The following DENND4C variants were observed in gnomAD, a reference collection of about 807,000 sequenced individuals.
DENND4C encodes DENN domain-containing protein 4C.
Under a neutral mutation model 203.0 loss-of-function variants are expected in DENND4C, and 108 were observed. The observed-to-expected ratio is 0.53, with a 90% CI of 0.46 to 0.62. DENND4C has a LOEUF of 0.62. Ranked by LOEUF, DENND4C falls within the 20% of genes least tolerant of loss-of-function variation. DENND4C has a pLI of 0.00. For synonymous variants in DENND4C, 871 were observed against 792.4 expected (o/e 1.10, Z -1.67); for missense variants, 2,481 against 2,301.2 (o/e 1.08, Z -1.60).
intron 1 of DENND4C, among the ~76,000 whole-genome samples, chr9:19,252,221 G>T (rs1453518648): frequency 6.6e-6 from 1 of 152,144 alleles, no homozygotes; most frequent in African/African-American, 2.4e-5. Context: ...GAGAGCTGGT[G>T]CAGGGAAACT....
intron 18 of DENND4C, 85 bp from the exon 19 acceptor site, chr9:19,336,185 A>ATATAT: frequency 8.2e-7 from 1 of 1,223,750 alleles, no homozygotes; most frequent in Non-Finnish European, 1.1e-6. Flanking sequence ...ATATATATAT[A>ATATAT]AACATACACA....
In DENND4C at chr9:19,346,822, G is replaced by T. The variant is rs760112586; in HGVS notation, c.4053G>T (p.Arg1351Ser). ...AAAAGAGCTCACCTGCAGTGTCCAG[G>T]TCTAAAACTTTTACTGGGCGTTTCA... is the stretch of plus-strand genomic sequence containing the variant. ...ESEKSSPAVS[R>S]SKTFTGRFKQ... The change falls in exon 23 of 33, where the codon AGG becomes AGT. Residue 1351 changes from arginine to serine, a missense_variant. Arg to Ser is a moderately radical substitution (Grantham distance 110). Around this residue, in one of 3 missense-constraint regions of DENND4C, gnomAD observed 2,289 missense variants for 2,113.3 expected, o/e 1.08. Coordinates refer to ENST00000434457, the MANE Select transcript of DENND4C (RefSeq NM_001330640.2). The T allele has an allele frequency of 6.2e-7, 1 of 1,614,140 alleles. No individual in the cohort carries two copies. The highest frequency in any genetic ancestry group is 8.5e-7 in the Non-Finnish European group (1 of 1,180,032).
chr9:19,253,102 A>G (rs2131631745), intron 1 of DENND4C, among the ~76,000 whole-genome samples: 1 of 152,354 alleles, frequency 6.6e-6, no homozygotes, highest in South Asian at 2.1e-4. Flanking sequence ...CTTTAGATGC[A>G]TATGCCTTCT....
chr9:19,369,213 A>G (rs1292103712), intron 30 of DENND4C, among the ~76,000 whole-genome samples: 3 of 151,880 alleles, frequency 2.0e-5, no homozygotes, highest in Non-Finnish European at 4.4e-5. Context: ...CTGCTAGACA[A>G]CTCCTCTGTC....
chr9:19,336,115 G>T (rs1412484752), intron 18 of DENND4C, among the ~76,000 whole-genome samples, 155 bp from the exon 19 acceptor site: 1 of 151,640 alleles, frequency 6.6e-6, no homozygotes, highest in East Asian at 1.9e-4. Flanking sequence ...CTGATGTTTA[G>T]TAATGTTTAG....
intron 1 of DENND4C, among the ~76,000 whole-genome samples, chr9:19,240,350 A>G (rs889582207): frequency 1.3e-5 from 2 of 152,174 alleles, no homozygotes; most frequent in Admixed American, 6.6e-5. Flanking sequence ...TAAACATAGA[A>G]AAGATACAAT....
intron 1 of DENND4C, among the ~76,000 whole-genome samples, chr9:19,250,169 C>G (rs981232200): frequency 6.6e-6 from 1 of 152,026 alleles, no homozygotes; most frequent in Non-Finnish European, 1.5e-5. Context: ...CTGACATACC[C>G]AAGTGACTCA....
At chr9:19,308,778 T>C (rs1428011287) in intron 10 of DENND4C, among the ~76,000 whole-genome samples, 1 of 152,198 alleles carries the variant, frequency 6.6e-6, no homozygotes, top group Non-Finnish European at 1.5e-5. Context: ...AGTTGTGAGG[T>C]TTGCCTCTCT....
At chr9:19,241,033 G>C (rs1418087598) in intron 1 of DENND4C, among the ~76,000 whole-genome samples, 3 of 152,124 alleles carry the variant, frequency 2.0e-5, no homozygotes, top group Non-Finnish European at 4.4e-5. Flanking sequence ...AGATAAACGT[G>C]GTACACCTAT....
chr9:19,260,142 G>T (rs1239482233), intron 1 of DENND4C, among the ~76,000 whole-genome samples: 4 of 151,914 alleles, frequency 2.6e-5, no homozygotes, highest in Admixed American at 2.6e-4. Flanking sequence ...CCTGTCTTTT[G>T]GACCTAAGCC....
At chr9:19,239,277 T>C (rs1823084348) in intron 1 of DENND4C, among the ~76,000 whole-genome samples, 1 of 152,156 alleles carries the variant, frequency 6.6e-6, no homozygotes, top group African/African-American at 2.4e-5. Context: ...CCACATCTCA[T>C]AAATTGATTT....
chr9:19,284,477 GAA>G (rs1301093870), intron 2 of DENND4C, among the ~76,000 whole-genome samples: 3 of 152,154 alleles, frequency 2.0e-5, no homozygotes, highest in Non-Finnish European at 4.4e-5. Flanking sequence ...GTAGATCCTA[GAA>G]AAAATTGCTG....
intron 16 of DENND4C, 21 bp downstream of exon 16, chr9:19,328,183 T>C (rs1286750881): frequency 6.3e-7 from 1 of 1,588,746 alleles, no homozygotes; most frequent in African/African-American, 1.4e-5. Flanking sequence ...CTTTATCTAA[T>C]ACATGTTCAT....
In DENND4C at chr9:19,372,266, G is replaced by T. The variant is rs1828979391; in HGVS notation, c.*93G>T. On this transcript the variant is annotated 3_prime_UTR_variant, in exon 33 of 33. Transcript: ENST00000434457. ...TTTTTTTTCCAAATCGTAAGAACTG[G>T]TGAATACGGAATTGAAGTAACTCTT... 1 of 1,459,752 alleles carries T rather than the reference G, an allele frequency of 6.9e-7. No individual in the cohort carries two copies. Among genetic ancestry groups the T allele is most frequent in the Non-Finnish European group, 9.3e-7 (1 of 1,076,876 alleles). 90.4% of individuals were successfully genotyped at this position (1,459,752 alleles called of 1,614,324 possible).
Position 19,336,817 on chromosome 9 carries a change from A to G in DENND4C, c.2866A>G (p.Asn956Asp). The change falls in exon 20 of 33, where the codon AAT (asparagine) becomes GAT (aspartate). Residue 956 changes from asparagine to aspartate, a missense_variant. By Grantham distance (23) the Asn-to-Asp change is conservative (BLOSUM62 1). Transcript: ENST00000434457. ...RDLIRLESID[N>D]HSSTGGQSDQ... ...TTTAATCAGGCTTGAGTCCATTGAT[A>G]ATCACTCTAGCACAGGTACTAAAAT... 1 of 1,550,566 alleles carries G rather than the reference A, an allele frequency of 6.4e-7. No individual in the cohort carries two copies. The highest frequency in any genetic ancestry group is 1.2e-5 in the South Asian group (1 of 84,050).
intron 10 of DENND4C, among the ~76,000 whole-genome samples, chr9:19,307,328 G>A (rs938174267): frequency 5.4e-5 from 8 of 149,032 alleles, no homozygotes; most frequent in Admixed American, 2.0e-4. Flanking sequence ...CCAGGAGGTC[G>A]AGGCTGCAGT....
chr9:19,307,207 G>T (rs952366764), intron 10 of DENND4C, among the ~76,000 whole-genome samples: 4 of 151,808 alleles, frequency 2.6e-5, no homozygotes, highest in Non-Finnish European at 4.4e-5. Context: ...AGGCCAGCCC[G>T]GGCAACTTGG....
intron 29 of DENND4C, among the ~76,000 whole-genome samples, chr9:19,361,110 T>C (rs1404911698): frequency 6.6e-6 from 1 of 152,190 alleles, no homozygotes; most frequent in Non-Finnish European, 1.5e-5. Flanking sequence ...GCAATCCACC[T>C]GCCTCGGCCT....
intron 22 of DENND4C, among the ~76,000 whole-genome samples, chr9:19,345,702 A>G (rs1822729835): frequency 6.6e-6 from 1 of 152,226 alleles, no homozygotes; most frequent in South Asian, 2.1e-4. Flanking sequence ...ATATAAATAT[A>G]GGATGAAAGA....
Sources: allele counts gnomAD v4.1 joint callset (sites outside exome capture counted in the v4.1 genomes callset), GRCh38; gene constraint gnomAD v4.1.1; regional missense constraint gnomAD v4.1.1; transcripts MANE v1.5; gene names NCBI Gene and HGNC (gene_info 2026-07-23, HGNC 2026-07-21).